ASTN2: variants seen among roughly 807,000 people sequenced by gnomAD.
ASTN2 encodes astrotactin 2.
Under a neutral mutation model 139.8 loss-of-function variants are expected in ASTN2, and 54 were observed. The observed-to-expected ratio is 0.39, with a 90% CI of 0.31 to 0.48. The LOEUF (loss-of-function observed/expected upper bound fraction) is 0.48, where lower values mean the gene tolerates loss of function less well. ASTN2 is among the 20% of genes least tolerant of loss of function. The probability of loss-of-function intolerance (pLI) is 0.95; values close to 1 mark genes in which losing one functional copy is unlikely to be tolerated. For synonymous variants in ASTN2, 756 were observed against 719.5 expected (o/e 1.05, Z -0.81); for missense variants, 1,565 against 1,725.1 (o/e 0.91, Z 1.64).
intron 10 of ASTN2, among the ~76,000 whole-genome samples, chr9:116,877,603 G>T (rs149287495): frequency 3.3e-5 from 5 of 152,162 alleles, no homozygotes; most frequent in Admixed American, 3.3e-4. Flanking sequence ...TTGGGGATGG[G>T]AGTGTGGAGT....
rs146687103 is a variant in ASTN2, at chr9:116,812,000, T to C, written c.2208-6180A>G. ...ATTCATTGGAAATAAGGTATACATA[T>C]AATTTGTATATATTTTTACATGTGG... On this transcript the variant is annotated intron_variant, in intron 12 of 22. Transcript: ENST00000313400. Among the ~76,000 whole-genome samples the C allele has an allele frequency of 1.2e-4, 18 of 152,328 alleles. No individual in the cohort carries two copies. The East Asian group carries it at 2.9e-3, about 24-fold the overall frequency.
chr9:117,089,535 AT>A (rs948141135), intron 5 of ASTN2, among the ~76,000 whole-genome samples: 18 of 150,580 alleles, frequency 1.2e-4, no homozygotes, highest in African/African-American at 3.2e-4. Context: ...ATTCTTTATT[AT>A]TTTTTTTCAT....
chr9:117,124,578 C>A (rs898241097), intron 4 of ASTN2, among the ~76,000 whole-genome samples: 1 of 152,124 alleles, frequency 6.6e-6, no homozygotes, highest in East Asian at 1.9e-4. Context: ...TGAGAGTCTG[C>A]TGATGCTTTA....
At chr9:117,048,354 T>C (rs1380771630) in intron 5 of ASTN2, among the ~76,000 whole-genome samples, 1 of 152,138 alleles carries the variant, frequency 6.6e-6, no homozygotes, top group East Asian at 1.9e-4. Context: ...CGCTCCTCCT[T>C]TCTCAGCCCC....
chr9:117,202,228 T>C (rs555159723), intron 3 of ASTN2, among the ~76,000 whole-genome samples: 157 of 152,322 alleles, frequency 1.0e-3, no homozygotes, highest in African/African-American at 3.5e-3. Context: ...TAAGCCTGTG[T>C]GTGTCTTTGA....
chr9:116,926,999 A>T (rs142154058), intron 10 of ASTN2, among the ~76,000 whole-genome samples: 87 of 152,360 alleles, frequency 5.7e-4, no homozygotes, highest in African/African-American at 2.1e-3. Context: ...AGAACAATGA[A>T]TCGTGGTTTA....
At chr9:116,843,551 C>G (rs1039209164) in intron 11 of ASTN2, among the ~76,000 whole-genome samples, 1 of 150,782 alleles carries the variant, frequency 6.6e-6, no homozygotes, top group Non-Finnish European at 1.5e-5. Context: ...CTCAGGTACT[C>G]GGGAGGGTGA....
intron 4 of ASTN2, among the ~76,000 whole-genome samples, chr9:117,111,862 T>G (rs924293624): frequency 6.6e-6 from 1 of 152,086 alleles, no homozygotes; most frequent in African/African-American, 2.4e-5. Flanking sequence ...AAACTGTATT[T>G]TTTAAAGATG....
chr9:116,726,085 A>T, intron 15 of ASTN2, 135 bp from the exon 16 acceptor site: 1 of 704,098 alleles, frequency 1.4e-6, no homozygotes, highest in South Asian at 1.9e-5. Flanking sequence ...TGGTGGCTGC[A>T]CTAGTCCAAA....
intron 16 of ASTN2, among the ~76,000 whole-genome samples, chr9:116,666,812 G>C (rs1213472805): frequency 6.6e-6 from 1 of 151,914 alleles, no homozygotes; most frequent in African/African-American, 2.4e-5. Context: ...AATTTGAACA[G>C]TTCTAAAGGA....
At chr9:116,744,792 CAGACCAATGTGCTTTGTCCCAT>C (rs373076162) in intron 13 of ASTN2, among the ~76,000 whole-genome samples, 68 of 152,290 alleles carry the variant, frequency 4.5e-4, no homozygotes, top group African/African-American at 1.5e-3. Context: ...AGCTAGAAAA[CAGACCAATGTGCTTTGTCCCAT>C]CACATATGTC....
At chr9:117,254,340 C>T (rs1245037358) in intron 2 of ASTN2, among the ~76,000 whole-genome samples, 2 of 152,152 alleles carry the variant, frequency 1.3e-5, no homozygotes, top group Non-Finnish European at 2.9e-5. Flanking sequence ...CCTTAAGTAG[C>T]ATTTATCATT....
chr9:117,082,945 T>C (rs1362664809), intron 5 of ASTN2, among the ~76,000 whole-genome samples: 2 of 152,232 alleles, frequency 1.3e-5, no homozygotes, highest in African/African-American at 4.8e-5. Context: ...GTATAAGCTA[T>C]AATATTGGCT....
chr9:116,482,288 T>A (rs773220141), intron 20 of ASTN2, among the ~76,000 whole-genome samples: 50 of 152,046 alleles, frequency 3.3e-4, no homozygotes, highest in Non-Finnish European at 6.3e-4. Context: ...ATTGCGCCCC[T>A]GCACTCCAGC....
intron 20 of ASTN2, among the ~76,000 whole-genome samples, chr9:116,485,883 A>C (rs778627497): frequency 3.3e-5 from 5 of 152,202 alleles, no homozygotes; most frequent in Non-Finnish European, 7.3e-5. Flanking sequence ...AAGGAGTGTG[A>C]ATATCTCAAG....
chr9:117,291,223 G>T, intron 2 of ASTN2, 103 bp downstream of exon 2: 1 of 1,432,480 alleles, frequency 7.0e-7, no homozygotes, highest in Admixed American at 2.1e-5. Flanking sequence ...CTTGAGTTTG[G>T]TTCTTTCCTT....
intron 1 of ASTN2, among the ~76,000 whole-genome samples, chr9:117,361,117 C>G (rs1238145161): frequency 6.6e-6 from 1 of 151,868 alleles, no homozygotes; most frequent in African/African-American, 2.4e-5. Flanking sequence ...ACATTCTACT[C>G]AAGGAAAATG....
intron 10 of ASTN2, among the ~76,000 whole-genome samples, chr9:116,931,502 C>T (rs1246036569): frequency 6.6e-6 from 1 of 152,160 alleles, no homozygotes; most frequent in Non-Finnish European, 1.5e-5. Context: ...TACTTTGCAA[C>T]TTTGTGGGGG....
rs148340940 is a variant in ASTN2, at chr9:116,559,262, C to T, written c.3355+59062G>A. ...CTTGCCCTAACCTTATTCCGTCCCA[C>T]AAACCAATTTAGAGAGCTGAGACCT... On this transcript the variant is annotated intron_variant, in intron 19 of 22. Coordinates refer to ENST00000313400, the MANE Select transcript of ASTN2 (RefSeq NM_001365068.1). Among the ~76,000 whole-genome samples the T allele has an allele frequency of 2.7e-3, 408 of 152,322 alleles. 1 individual carries two copies. The highest frequency in any genetic ancestry group is 9.4e-3 in the African/African-American group (391 of 41,556).
Sources: allele counts gnomAD v4.1 joint callset (sites outside exome capture counted in the v4.1 genomes callset), GRCh38; gene constraint gnomAD v4.1.1; transcripts MANE v1.5; gene names NCBI Gene and HGNC (gene_info 2026-07-23, HGNC 2026-07-21).